Variants in APBB2 observed in about 807,000 individuals in gnomAD.
APBB2 encodes the protein Fe65-like 1.
APBB2 carries 38 observed loss-of-function variants against 82.5 expected under a neutral mutation model. The observed-to-expected ratio is 0.46, with a 90% confidence interval of 0.36 to 0.60. The LOEUF is 0.60. Ranked by LOEUF, APBB2 falls within the 20% of genes least tolerant of loss-of-function variation. The probability of loss-of-function intolerance (pLI) is 0.00; values close to 1 mark genes in which losing one functional copy is unlikely to be tolerated. For missense variants in APBB2, 772 were observed against 972.3 expected, an observed-to-expected ratio of 0.79 and a Z score of 2.74; for synonymous variants, 341 against 368.2, an observed-to-expected ratio of 0.93 and a Z score of 0.85.
intron 12 of APBB2, among the ~76,000 whole-genome samples, chr4:40,865,419 G>A (rs1291984506): frequency 6.6e-6 from 1 of 152,024 alleles, no homozygotes; most frequent in Non-Finnish European, 1.5e-5. Flanking sequence ...AAGACAGTAA[G>A]GGCTAAGGAG....
At chr4:41,209,780 A>G (rs1262730938) in intron 1 of APBB2, among the ~76,000 whole-genome samples, 1 of 152,234 alleles carries the variant, frequency 6.6e-6, no homozygotes, top group Non-Finnish European at 1.5e-5. Flanking sequence ...TTTTATGACA[A>G]CCATTTTATA....
At chr4:40,848,848 G>C in intron 12 of APBB2, 2 of 984,998 alleles carry the variant, frequency 2.0e-6, no homozygotes, top group African/African-American at 3.5e-5. Flanking sequence ...TCATCATCCT[G>C]ATCATCACTG....
chr4:41,098,102 C>A (rs1163081261), intron 3 of APBB2, among the ~76,000 whole-genome samples: 25 of 149,988 alleles, frequency 1.7e-4, no homozygotes, highest in Admixed American at 1.5e-3. Context: ...TGCATTATAA[C>A]CTTCTCTTTT....
At chr4:40,918,048 T>C (rs1313776277) in intron 10 of APBB2, among the ~76,000 whole-genome samples, 3 of 152,242 alleles carry the variant, frequency 2.0e-5, no homozygotes, top group Non-Finnish European at 4.4e-5. Flanking sequence ...ATTTCTCACA[T>C]TGCTTTTGAA....
intron 12 of APBB2, among the ~76,000 whole-genome samples, chr4:40,852,608 T>A (rs114689600): frequency 0.02 from 2,969 of 152,018 alleles, 102 homozygotes; most frequent in African/African-American, 0.068. Context: ...CGTCTGCTCA[T>A]CTACACTGGA....
chr4:41,101,381 G>C (rs1026409872), intron 2 of APBB2, among the ~76,000 whole-genome samples: 1 of 147,498 alleles, frequency 6.8e-6, no homozygotes, highest in African/African-American at 2.5e-5. Flanking sequence ...GGAGAATGGC[G>C]TGAACCCGGG....
chr4:41,093,496 G>C (rs757937408), intron 3 of APBB2, among the ~76,000 whole-genome samples: 1 of 151,954 alleles, frequency 6.6e-6, no homozygotes, highest in Non-Finnish European at 1.5e-5. Flanking sequence ...ATGAACCTAT[G>C]ATCACAACCT....
intron 1 of APBB2, among the ~76,000 whole-genome samples, chr4:41,150,367 G>A (rs919029548): frequency 6.6e-5 from 10 of 152,172 alleles, no homozygotes; most frequent in South Asian, 4.2e-4. Flanking sequence ...GCATGCTTCC[G>A]GTCTCAGGGA....
intron 12 of APBB2, chr4:40,880,958 T>G (rs561878221): frequency 3.5e-4 from 340 of 981,076 alleles, no homozygotes; most frequent in Non-Finnish European, 4.1e-4. Flanking sequence ...GAACGATCTG[T>G]CTGAAAATGC....
chr4:41,118,715 G>A (rs370253785), intron 2 of APBB2, among the ~76,000 whole-genome samples: 2 of 152,032 alleles, frequency 1.3e-5, no homozygotes, highest in African/African-American at 4.8e-5. Context: ...TAATAAAAAC[G>A]TATCAATATA....
chr4:41,025,401 G>C (rs1001691350), intron 5 of APBB2, among the ~76,000 whole-genome samples: 1 of 152,124 alleles, frequency 6.6e-6, no homozygotes, highest in African/African-American at 2.4e-5. Flanking sequence ...CTTATATGCT[G>C]TCGGTGGGAG....
chr4:40,858,242 A>G (rs1761905338), intron 12 of APBB2, among the ~76,000 whole-genome samples: 1 of 152,114 alleles, frequency 6.6e-6, no homozygotes, highest in African/African-American at 2.4e-5. Flanking sequence ...GGAAAATCCA[A>G]GGTCTCTCAC....
intron 1 of APBB2, among the ~76,000 whole-genome samples, chr4:41,180,361 A>G (rs547931479): frequency 7.0e-4 from 107 of 152,326 alleles, no homozygotes; most frequent in African/African-American, 2.5e-3. Flanking sequence ...TCCCAGCCCC[A>G]TGGGAGGGGG....
chr4:41,151,707 G>A (rs1232437642), intron 1 of APBB2, among the ~76,000 whole-genome samples: 7 of 151,294 alleles, frequency 4.6e-5, no homozygotes, highest in Non-Finnish European at 5.9e-5. Context: ...TGTTGCTGTT[G>A]GGAAGTCAGC....
intron 2 of APBB2, among the ~76,000 whole-genome samples, chr4:41,117,289 A>ATT: frequency 7.5e-6 from 1 of 133,662 alleles, no homozygotes; most frequent in Admixed American, 7.6e-5. Context: ...TGTTATTATT[A>ATT]TTATTATTTT....
Position 41,014,035 on chromosome 4 carries a change from A to G in APBB2, c.383T>C (p.Ile128Thr). The part of the protein sequence containing the change: ...PNKNLSPTAV[I>T]NITSEKLEGK... ...CTCTAACTTCTCAGAAGTTATGTTG[A>G]TGACTGCAGTGGGGCTCAGGTTTTT... Residue 128 changes from isoleucine to threonine, a missense_variant, in exon 6 of 18, where the codon ATC becomes ACC. Ile to Thr is a moderately conservative substitution (Grantham distance 89). Transcript: ENST00000508593. 2.5e-6 allele frequency: 4 copies of G among 1,614,134 alleles called. No individual in the cohort carries two copies. Among genetic ancestry groups the G allele is most frequent in the Non-Finnish European group, 3.4e-6 (4 of 1,180,022 alleles).
At chr4:41,036,793 T>C (rs1185790899) in intron 4 of APBB2, among the ~76,000 whole-genome samples, 1 of 152,162 alleles carries the variant, frequency 6.6e-6, no homozygotes, top group East Asian at 1.9e-4. Context: ...GGGGATGAGG[T>C]ACAACTATGC....
intron 12 of APBB2, among the ~76,000 whole-genome samples, chr4:40,843,579 C>T (rs1174461261): frequency 1.3e-5 from 2 of 152,224 alleles, no homozygotes; most frequent in Non-Finnish European, 1.5e-5. Flanking sequence ...GAGGATTTTA[C>T]TTTATCTCTT....
chr4:40,969,463 A>G (rs1049175395), intron 6 of APBB2, among the ~76,000 whole-genome samples: 1 of 152,262 alleles, frequency 6.6e-6, no homozygotes, highest in Non-Finnish European at 1.5e-5. Flanking sequence ...TTTTCAGATT[A>G]TTATTACTGA....
Sources: allele counts gnomAD v4.1 joint callset (sites outside exome capture counted in the v4.1 genomes callset), GRCh38; gene constraint gnomAD v4.1.1; transcripts MANE v1.5; gene names NCBI Gene and HGNC (gene_info 2026-07-23, HGNC 2026-07-21).